The following IL1RAPL2 variants were observed in gnomAD, a reference collection of about 807,000 sequenced individuals.
The protein encoded by IL1RAPL2 is interleukin 1 receptor accessory protein like 2.
In IL1RAPL2, 3 loss-of-function variants were observed where a neutral mutation model predicts 44.1. The ratio of observed to expected loss-of-function variants is 0.07; its 90% CI spans 0.03 to 0.18. IL1RAPL2 has a LOEUF of 0.18. Among genes scored for constraint, IL1RAPL2 ranks in the 10% least tolerant of loss-of-function variants. The probability of loss-of-function intolerance (pLI) is 1.00; values close to 1 mark genes in which losing one functional copy is unlikely to be tolerated. For missense variants in IL1RAPL2, 391 were observed against 496.4 expected (o/e 0.79, Z 2.02); for synonymous variants, 181 against 178.8 (o/e 1.01, Z -0.10).
At chrX:105,605,444 C>T (rs57035390) in intron 6 of IL1RAPL2, among the ~76,000 whole-genome samples, 1,464 of 110,887 alleles carry the variant, frequency 0.013, 18 homozygotes, top group African/African-American at 0.045. Context: ...TGAATGAAAT[C>T]GAAGAATACA....
chrX:105,735,292 C>A (rs1358247412), intron 7 of IL1RAPL2, among the ~76,000 whole-genome samples: 1 of 109,755 alleles, frequency 9.1e-6, no homozygotes, highest in Non-Finnish European at 1.9e-5. Flanking sequence ...CTGGTTACTA[C>A]CCCTCCCTCA....
intron 2 of IL1RAPL2, among the ~76,000 whole-genome samples, chrX:105,059,164 A>G (rs1448444591): frequency 8.9e-6 from 1 of 112,238 alleles, no homozygotes. Flanking sequence ...CTTAAGATGT[A>G]AAATAAATTA....
chrX:104,866,005 T>C (rs1188945041), intron 2 of IL1RAPL2, among the ~76,000 whole-genome samples: 1 of 112,601 alleles, frequency 8.9e-6, no homozygotes, highest in African/African-American at 3.2e-5. Flanking sequence ...CTGAGTAATA[T>C]ACATGTACTG....
At chrX:105,212,903 A>C (rs2033820305) in intron 3 of IL1RAPL2, among the ~76,000 whole-genome samples, 1 of 112,256 alleles carries the variant, frequency 8.9e-6, no homozygotes, top group Non-Finnish European at 1.9e-5. Context: ...TGTTAGAAGA[A>C]AAACTAACAA....
chrX:104,718,503 T>A (rs1350108207), intron 2 of IL1RAPL2, among the ~76,000 whole-genome samples: 2 of 110,716 alleles, frequency 1.8e-5, no homozygotes, highest in Admixed American at 1.9e-4. Context: ...GTTGTTCTCA[T>A]GATAGTGAGG....
At chrX:104,955,687 A>G (rs1030079558) in intron 2 of IL1RAPL2, among the ~76,000 whole-genome samples, 1 of 110,339 alleles carries the variant, frequency 9.1e-6, no homozygotes, top group Admixed American at 9.9e-5. Context: ...CAAGAATTCT[A>G]TAGCATTCTC....
chrX:104,765,046 G>T (rs1224384151), intron 2 of IL1RAPL2, among the ~76,000 whole-genome samples: 2 of 111,880 alleles, frequency 1.8e-5, no homozygotes, highest in Admixed American at 9.5e-5. Flanking sequence ...TTTGGTATCA[G>T]GGTAATAATG....
intron 2 of IL1RAPL2, among the ~76,000 whole-genome samples, chrX:104,885,714 A>G (rs1312761657): frequency 8.9e-6 from 1 of 112,342 alleles, no homozygotes; most frequent in Non-Finnish European, 1.9e-5. Context: ...TCAGACAAAC[A>G]AACCTTGGTG....
intron 1 of IL1RAPL2, among the ~76,000 whole-genome samples, chrX:104,619,474 T>G (rs766534895): frequency 8.9e-6 from 1 of 111,964 alleles, no homozygotes; most frequent in Non-Finnish European, 1.9e-5. Flanking sequence ...CTTCACTCAC[T>G]TAATAGCTAA....
chrX:105,722,048 T>C (rs776690867), intron 7 of IL1RAPL2, among the ~76,000 whole-genome samples: 41 of 111,730 alleles, frequency 3.7e-4, no homozygotes, highest in Non-Finnish European at 7.7e-4. Context: ...GATTTCATTA[T>C]TGTGCAAACA....
chrX:104,902,140 C>G (rs1273067946), intron 2 of IL1RAPL2, among the ~76,000 whole-genome samples: 6 of 111,894 alleles, frequency 5.4e-5, no homozygotes, highest in Admixed American at 9.5e-5. Context: ...GCCTTTCTCT[C>G]CTGGTATGAA....
chrX:105,310,203 A>G (rs984862848), intron 5 of IL1RAPL2, among the ~76,000 whole-genome samples: 1 of 111,354 alleles, frequency 9.0e-6, no homozygotes, highest in African/African-American at 3.3e-5. Context: ...TTCAGTGACT[A>G]TTTTTTAAAT....
rs765416584 is a variant in IL1RAPL2, at chrX:105,041,906, C to A, written c.83-153569C>A. ...GTAGATCAATGGAACAGAAGAGAGC[C>A]CTCAGAAATAACGCCGCATATCTAC... On this transcript the variant is annotated intron_variant, in intron 2 of 10. Transcript: ENST00000372582. Among the ~76,000 whole-genome samples, 4 of 110,626 alleles carry A rather than the reference C, an allele frequency of 3.6e-5. No homozygotes were observed. In the South Asian group the frequency reaches 1.6e-3, roughly 43 times the overall value.
At chrX:105,617,267 C>T (rs190465308) in intron 6 of IL1RAPL2, among the ~76,000 whole-genome samples, 3 of 110,669 alleles carry the variant, frequency 2.7e-5, no homozygotes, top group African/African-American at 9.8e-5. Context: ...GGAATTGTAA[C>T]GAAATGATTC....
intron 5 of IL1RAPL2, among the ~76,000 whole-genome samples, chrX:105,306,465 G>A (rs766677706): frequency 9.0e-6 from 1 of 111,429 alleles, no homozygotes; most frequent in South Asian, 3.8e-4. Context: ...CTCAGTAAAG[G>A]ATAAAATTTA....
At chrX:105,683,679 CA>C (rs1411041505) in intron 6 of IL1RAPL2, among the ~76,000 whole-genome samples, 3 of 111,662 alleles carry the variant, frequency 2.7e-5, no homozygotes, top group African/African-American at 9.8e-5. Context: ...AAAAATACAT[CA>C]AACACAGTTG....
chrX:104,583,200 T>C (rs898448196), intron 1 of IL1RAPL2, among the ~76,000 whole-genome samples: 1 of 111,020 alleles, frequency 9.0e-6, no homozygotes, highest in Non-Finnish European at 1.9e-5. Flanking sequence ...GGTTTTTCTT[T>C]CAGATAGACA....
chrX:105,163,087 C>G (rs1010303288), intron 2 of IL1RAPL2, among the ~76,000 whole-genome samples: 1 of 111,695 alleles, frequency 9.0e-6, no homozygotes, highest in South Asian at 3.7e-4. Flanking sequence ...TCTGGCTCAC[C>G]AGCTGTTTTG....
intron 1 of IL1RAPL2, among the ~76,000 whole-genome samples, chrX:104,568,163 T>C: frequency 9.0e-6 from 1 of 110,943 alleles, no homozygotes; most frequent in Middle Eastern, 4.7e-3. Flanking sequence ...CCACCACCAC[T>C]ACCTTCAATC....
Sources: allele counts gnomAD v4.1 joint callset (sites outside exome capture counted in the v4.1 genomes callset), GRCh38; gene constraint gnomAD v4.1.1; transcripts MANE v1.5; gene names NCBI Gene and HGNC (gene_info 2026-07-23, HGNC 2026-07-21).